ADAM12: variants seen among roughly 807,000 people sequenced by gnomAD.
ADAM12 encodes the protein disintegrin and metalloproteinase domain-containing protein 12.
A neutral mutation model predicts 106.4 loss-of-function variants in ADAM12; 70 were observed. The ratio of observed to expected loss-of-function variants is 0.66; its 90% CI spans 0.54 to 0.80. ADAM12 has a LOEUF of 0.80. Ranked by LOEUF, ADAM12 falls within the 30% of genes least tolerant of loss-of-function variation. ADAM12 has a pLI of 0.00. For synonymous variants in ADAM12, 420 were observed against 433.5 expected (o/e 0.97, Z 0.39); for missense variants, 1,010 against 1,171.9 (o/e 0.86, Z 2.02).
chr10:126,300,951 T>C (rs985689371), intron 2 of ADAM12, among the ~76,000 whole-genome samples: 3 of 152,232 alleles, frequency 2.0e-5, no homozygotes, highest in Non-Finnish European at 4.4e-5. Flanking sequence ...AAAACAAGTA[T>C]TCAAAATAAG....
At chr10:126,076,348 C>T (rs868526127) in intron 11 of ADAM12, among the ~76,000 whole-genome samples, 4 of 152,252 alleles carry the variant, frequency 2.6e-5, no homozygotes, top group Middle Eastern at 3.4e-3. Flanking sequence ...TCCATGTCTT[C>T]GCTATTGTGA....
At chr10:126,041,898 T>C in intron 18 of ADAM12, 2 of 1,403,594 alleles carry the variant, frequency 1.4e-6, no homozygotes, top group South Asian at 3.2e-5. Flanking sequence ...CTGAAGCATG[T>C]CCATGTTTTA....
At chr10:126,263,845 C>G (rs1446108318) in intron 3 of ADAM12, among the ~76,000 whole-genome samples, 1 of 152,108 alleles carries the variant, frequency 6.6e-6, no homozygotes, top group Non-Finnish European at 1.5e-5. Flanking sequence ...AATATCTATA[C>G]AGGTAATTTA....
At chr10:126,284,332 CAAAAAAAAAAAAAAA>C (rs58488226) in intron 2 of ADAM12, among the ~76,000 whole-genome samples, 2 of 46,518 alleles carry the variant, frequency 4.3e-5, no homozygotes, top group South Asian at 8.8e-4. Flanking sequence ...GACTCCATCT[CAAAAAAAAAAAAAAA>C]AAAAAAAAAA....
intron 6 of ADAM12, among the ~76,000 whole-genome samples, chr10:126,116,067 C>A (rs1196281540): frequency 6.6e-6 from 1 of 152,210 alleles, no homozygotes; most frequent in Admixed American, 6.5e-5. Context: ...ATTAACAAAG[C>A]ACCGTTGTTA....
At chr10:126,356,197 C>T (rs992587969) in intron 1 of ADAM12, among the ~76,000 whole-genome samples, 1 of 152,222 alleles carries the variant, frequency 6.6e-6, no homozygotes, top group African/African-American at 2.4e-5. Context: ...CCCCAGGGAA[C>T]CTCCTGCAAC....
At chr10:126,313,056 G>C (rs1961183323) in intron 2 of ADAM12, among the ~76,000 whole-genome samples, 1 of 152,226 alleles carries the variant, frequency 6.6e-6, no homozygotes, top group South Asian at 2.1e-4. Context: ...ATGCAGAGCA[G>C]CTTGGCTGAA....
At chr10:126,378,449 T>C (rs568481776) in intron 1 of ADAM12, among the ~76,000 whole-genome samples, 1 of 152,206 alleles carries the variant, frequency 6.6e-6, no homozygotes, top group Non-Finnish European at 1.5e-5. Flanking sequence ...CAAGCACATA[T>C]ATGAATAAGT....
intron 2 of ADAM12, among the ~76,000 whole-genome samples, chr10:126,323,535 A>C (rs959990647): frequency 6.6e-6 from 1 of 152,236 alleles, no homozygotes; most frequent in African/African-American, 2.4e-5. Flanking sequence ...TGCAAGGCTC[A>C]GGATCCAGGC....
chr10:126,235,621 C>A (rs1958399467), intron 3 of ADAM12, among the ~76,000 whole-genome samples: 1 of 152,170 alleles, frequency 6.6e-6, no homozygotes, highest in South Asian at 2.1e-4. Context: ...TCCAGCCCAG[C>A]CACACTCAGA....
intron 3 of ADAM12, among the ~76,000 whole-genome samples, chr10:126,258,113 G>A (rs1958928601): frequency 6.6e-6 from 1 of 152,112 alleles, no homozygotes; most frequent in Non-Finnish European, 1.5e-5. Flanking sequence ...GGACACAGTG[G>A]GGAACAATCC....
intron 5 of ADAM12, among the ~76,000 whole-genome samples, chr10:126,124,084 C>G (rs1213351378): frequency 6.6e-6 from 1 of 152,118 alleles, no homozygotes; most frequent in African/African-American, 2.4e-5. Flanking sequence ...AATGTCTGAT[C>G]CTGATTTTTT....
rs545703654 is a variant in ADAM12 at position 126,046,064 on chromosome 10, G to A, written c.1986C>T (p.His662=). The part of the protein sequence containing the change: ...FGVHECAMQC[H]GRGVCNNRKN... ...AGCTCAGCCTACTCACCCCTCTGCCGTGGCACTGCATTGCACACTCGTGAA... is the reference window on the plus strand; with the variant it reads ...AGCTCAGCCTACTCACCCCTCTGCCATGGCACTGCATTGCACACTCGTGAA... The change falls in exon 17 of 23, where the codon CAC becomes CAT. Residue 662 remains histidine (H), a synonymous_variant. Coordinates refer to ENST00000448723, the MANE Select transcript of ADAM12 (RefSeq NM_001288973.2). The A allele has an allele frequency of 3.7e-5, 60 of 1,614,006 alleles. No homozygotes were observed. The Middle Eastern group carries it at 8.2e-4, about 22-fold the overall frequency.
intron 2 of ADAM12, among the ~76,000 whole-genome samples, chr10:126,320,688 A>G (rs1854064835): frequency 6.6e-6 from 1 of 152,216 alleles, no homozygotes; most frequent in Admixed American, 6.5e-5. Context: ...TCTCTTGGGA[A>G]GATAAGCTCT....
chr10:126,094,240 T>A (rs940698312), intron 10 of ADAM12, 107 bp from the exon 11 acceptor site: 2 of 1,130,632 alleles, frequency 1.8e-6, no homozygotes, highest in Non-Finnish European at 2.5e-6. Context: ...TTTGACTTAA[T>A]GTAATTCCTT....
chr10:126,308,317 T>C (rs1960937478), intron 2 of ADAM12, among the ~76,000 whole-genome samples: 1 of 152,234 alleles, frequency 6.6e-6, no homozygotes, highest in Non-Finnish European at 1.5e-5. Context: ...AGACTAGTTA[T>C]GTGTTTGTTG....
chr10:126,313,659 C>G (rs1024902802), intron 2 of ADAM12, among the ~76,000 whole-genome samples: 1 of 152,144 alleles, frequency 6.6e-6, no homozygotes, highest in African/African-American at 2.4e-5. Context: ...ATCCGTCGAT[C>G]TGTCTGTCTG....
intron 3 of ADAM12, among the ~76,000 whole-genome samples, chr10:126,253,483 A>G (rs1014103775): frequency 1.3e-5 from 2 of 152,226 alleles, no homozygotes; most frequent in Non-Finnish European, 1.5e-5. Flanking sequence ...CAGCCCACAT[A>G]GAAATAGCCA....
intron 5 of ADAM12, among the ~76,000 whole-genome samples, chr10:126,128,653 A>T (rs192175162): frequency 8.4e-4 from 113 of 134,644 alleles, no homozygotes; most frequent in African/African-American, 3.3e-3. Flanking sequence ...GCATGTGGGA[A>T]TGTGTGCAAG....
Sources: gnomAD v4.1 joint callset for allele counts (sites outside exome capture counted in the v4.1 genomes callset) on GRCh38, gnomAD v4.1.1 for gene constraint, MANE v1.5 for transcripts, NCBI Gene and HGNC (gene_info 2026-07-23, HGNC 2026-07-21) for gene names.